Variants in COLGALT1 observed in about 807,000 individuals in gnomAD.
COLGALT1 encodes the protein collagen beta(1-O)galactosyltransferase 1, also known as procollagen galactosyltransferase 1.
Under a neutral mutation model 60.8 loss-of-function variants are expected in COLGALT1, and 43 were observed. The ratio of observed to expected loss-of-function variants is 0.71; its 90% confidence interval spans 0.55 to 0.91. The LOEUF (loss-of-function observed/expected upper bound fraction) is 0.91. Ranked by LOEUF, COLGALT1 falls within the 40% of genes least tolerant of loss-of-function variation. The pLI is 0.00. For synonymous variants in COLGALT1, 369 were observed against 374.2 expected (o/e 0.99, Z 0.16); for missense variants, 845 against 880.0 (o/e 0.96, Z 0.50).
At chr19:17,581,156 C>A in intron 11 of COLGALT1, 21 bp from the exon 12 acceptor site, 1 of 1,600,804 alleles carries the variant, frequency 6.2e-7, no homozygotes, top group Non-Finnish European at 8.5e-7. Flanking sequence ...CTGCCCCTCA[C>A]TCCCCTCCTC....
At position 17,578,108 on chromosome 19, in the gene COLGALT1, G is replaced by A; in HGVS notation, c.1266+19G>A. 1.3e-6 allele frequency: 2 copies of A among 1,583,630 alleles called. No homozygotes were observed. Among genetic ancestry groups the A allele is most frequent in the African/African-American group, 1.3e-5 (1 of 74,558 alleles). ...GAAGGAGGTGTGTCCTGAGTGATGG[G>A]CGGGGCCAGAGTTATGACTCTAGAT... is the stretch of plus-strand genomic sequence containing the variant. On this transcript the variant is annotated intron_variant, in intron 9 of 11. Coordinates refer to ENST00000252599, the MANE Select transcript of COLGALT1 (RefSeq NM_024656.4).
At chr19:17,580,455 C>A (rs904550057) in intron 10 of COLGALT1, 2 of 568,144 alleles carry the variant, frequency 3.5e-6, no homozygotes, top group African/African-American at 3.8e-5. Flanking sequence ...TCTGCGTGAT[C>A]CTGCTCTCCC....
intron 9 of COLGALT1, among the ~76,000 whole-genome samples, chr19:17,578,571 C>T (rs546355840): frequency 6.6e-5 from 10 of 152,244 alleles, no homozygotes; most frequent in East Asian, 1.9e-4. Context: ...CCATCAGGGC[C>T]GGGCATGGTG....
chr19:17,563,245 C>T (rs936481822), intron 3 of COLGALT1, among the ~76,000 whole-genome samples: 1 of 140,498 alleles, frequency 7.1e-6, no homozygotes, highest in African/African-American at 2.7e-5. Flanking sequence ...GGCTGGAGTG[C>T]AGTGGCGCGA....
intron 6 of COLGALT1, among the ~76,000 whole-genome samples, chr19:17,575,622 G>T (rs11667763): frequency 0.24 from 36,398 of 151,256 alleles, 5,179 homozygotes; most frequent in Middle Eastern, 0.32. Flanking sequence ...CTCATGATCT[G>T]CCCACCTCAG....
chr19:17,560,638 G>A (rs1056794104), intron 3 of COLGALT1, among the ~76,000 whole-genome samples, 173 bp downstream of exon 3: 1 of 152,146 alleles, frequency 6.6e-6, no homozygotes, highest in African/African-American at 2.4e-5. Context: ...AGTGGAGGAG[G>A]AGCTGGGATT....
Position 17,555,860 on chromosome 19 carries a change from G to T in COLGALT1, c.147G>T (p.Leu49=). The T allele has an allele frequency of 7.3e-7, 1 of 1,372,686 alleles. No homozygotes were observed. Among genetic ancestry groups the T allele is most frequent in the South Asian group, 1.6e-5 (1 of 64,404 alleles). 85.0% of individuals were successfully genotyped at this position (1,372,686 alleles called of 1,614,324 possible). A position where few individuals can be genotyped will look rare whatever the true frequency, so the allele number is the denominator to read the frequency against. ...PEERWSPESP[L]QAPRVLIALL... ...AGCGCTGGAGCCCGGAGTCGCCCCT[G>T]CAGGCGCCGCGCGTGCTCATCGCGC... The change falls in exon 1 of 12, where the codon CTG becomes CTT. Residue 49 remains leucine (L), a synonymous_variant. Transcript: ENST00000252599.
chr19:17,578,215 C>T (rs2076356945), intron 9 of COLGALT1, 126 bp downstream of exon 9: 1 of 1,067,364 alleles, frequency 9.4e-7, no homozygotes, highest in Non-Finnish European at 1.3e-6. Flanking sequence ...CCATGGGACC[C>T]ATGGCCTCTC....
At chr19:17,556,116 G>A (rs1457449757) in intron 1 of COLGALT1, 143 bp downstream of exon 1, 2 of 985,392 alleles carry the variant, frequency 2.0e-6, no homozygotes, top group Admixed American at 4.3e-5. Flanking sequence ...ACCCCCATCG[G>A]GACGGTTCTA....
At chr19:17,574,085 T>G (rs1010525896) in intron 6 of COLGALT1, among the ~76,000 whole-genome samples, 1 of 151,942 alleles carries the variant, frequency 6.6e-6, no homozygotes, top group East Asian at 1.9e-4. Context: ...TAATTGAGGT[T>G]GTCTAGGGAT....
chr19:17,578,062 C>T lies in COLGALT1; in HGVS notation c.1239C>T (p.Phe413=), dbSNP rs376799093. 4 of 1,610,576 alleles carry T rather than the reference C, an allele frequency of 2.5e-6. No individual in the cohort carries two copies. The highest frequency in any genetic ancestry group is 3.4e-6 in the Non-Finnish European group (4 of 1,178,588). ...RPLTKGELGC[F]LSHYNIWKEV... Reference sequence around the variant, plus strand: ...TCACCAAGGGTGAGCTGGGCTGCTTCCTGAGCCACTACAACATCTGGAAGG... The same window carrying T: ...TCACCAAGGGTGAGCTGGGCTGCTTTCTGAGCCACTACAACATCTGGAAGG... The change falls in exon 9 of 12, where the codon TTC becomes TTT. Residue 413 remains phenylalanine, a synonymous_variant. Transcript: ENST00000252599.
intron 3 of COLGALT1, 86 bp downstream of exon 3, chr19:17,560,551 C>A (rs774155159): frequency 9.3e-7 from 1 of 1,075,634 alleles, no homozygotes. Context: ...CCAGGACCAT[C>A]CTTAATGTTG....
chr19:17,567,135 A>G (rs910769023), intron 3 of COLGALT1, among the ~76,000 whole-genome samples: 2 of 152,062 alleles, frequency 1.3e-5, no homozygotes, highest in Admixed American at 6.6e-5. Flanking sequence ...AGGTTTTGCT[A>G]CCTTCTTGCT....
Position 17,555,792 on chromosome 19 carries a change from C to T in COLGALT1, c.79C>T (p.Pro27Ser), listed in dbSNP as rs1236594578. Residue 27 changes from proline to serine, a missense_variant, in exon 1 of 12, where the codon CCG becomes TCG. Physicochemically the swap from Pro to Ser is moderately conservative, Grantham distance 74. Coordinates refer to ENST00000252599, the MANE Select transcript of COLGALT1 (RefSeq NM_024656.4). ...ALLLLLLAPL[P>S]PGAPPGADAY... ...GCTGCTTCTGCTGCTGGCGCCACTG[C>T]CGCCGGGGGCCCCGCCGGGCGCCGA... is the stretch of plus-strand genomic sequence containing the variant. The T allele has an allele frequency of 8.0e-7, 1 of 1,246,466 alleles. No homozygotes were observed. The highest frequency in any genetic ancestry group is 1.0e-6 in the Non-Finnish European group (1 of 995,140). 77.2% of individuals were successfully genotyped at this position (1,246,466 alleles called of 1,614,324 possible). A position where few individuals can be genotyped will look rare whatever the true frequency, so the allele number is the denominator to read the frequency against.
intron 1 of COLGALT1, among the ~76,000 whole-genome samples, chr19:17,557,305 CT>C (rs896760274): frequency 1.1e-4 from 17 of 150,748 alleles, no homozygotes; most frequent in Non-Finnish European, 1.8e-4. Flanking sequence ...TTGAGATATA[CT>C]TTTTTTTTTC....
chr19:17,568,296 C>T (rs2076291035), intron 4 of COLGALT1, among the ~76,000 whole-genome samples: 1 of 152,146 alleles, frequency 6.6e-6, no homozygotes, highest in Non-Finnish European at 1.5e-5. Context: ...CCTCTGAACT[C>T]ATTACTGAAG....
At position 17,581,614 on chromosome 19, in the gene COLGALT1, T is replaced by C; in HGVS notation, c.*170T>C. 1 of 866,730 alleles carries C rather than the reference T, an allele frequency of 1.2e-6. No individual in the cohort carries two copies. The highest frequency in any genetic ancestry group is 1.7e-6 in the Non-Finnish European group (1 of 579,904). 53.7% of individuals were successfully genotyped at this position (866,730 alleles called of 1,614,324 possible). ...ATCACGTGCACACAGGCAGCATTAA[T>C]GGAGTGCCTACTGCATGCCAGCAAC... is the stretch of plus-strand genomic sequence containing the variant. On this transcript the variant is annotated 3_prime_UTR_variant, in exon 12 of 12. Coordinates refer to ENST00000252599, the MANE Select transcript of COLGALT1 (RefSeq NM_024656.4).
At chr19:17,580,997 G>GTCTC in intron 11 of COLGALT1, 92 bp downstream of exon 11, 1 of 1,496,684 alleles carries the variant, frequency 6.7e-7, no homozygotes, top group Non-Finnish European at 9.2e-7. Flanking sequence ...CCGAGAAGAT[G>GTCTC]TCTCTTCTTT....
intron 6 of COLGALT1, among the ~76,000 whole-genome samples, chr19:17,576,776 T>G (rs1599792991): frequency 9.6e-6 from 1 of 103,992 alleles, no homozygotes; most frequent in African/African-American, 3.9e-5. Context: ...GCCTGGGGCG[T>G]GGCCAGGGCT....
Sources: gnomAD v4.1 joint callset for allele counts (sites outside exome capture counted in the v4.1 genomes callset) on GRCh38, gnomAD v4.1.1 for gene constraint, MANE v1.5 for transcripts, NCBI Gene and HGNC (gene_info 2026-07-23, HGNC 2026-07-21) for gene names.